The following CAMTA1 variants were observed in gnomAD, a reference collection of about 807,000 sequenced individuals.
The protein encoded by CAMTA1 is calmodulin binding transcription activator 1.
A neutral mutation model predicts 170.9 loss-of-function variants in CAMTA1; 27 were observed. The ratio of observed to expected loss-of-function variants is 0.16; its 90% CI spans 0.12 to 0.22. CAMTA1 has a LOEUF of 0.22. CAMTA1 is among the 10% of genes least tolerant of loss of function. The probability of loss-of-function intolerance (pLI) is 1.00; values close to 1 mark genes in which losing one functional copy is unlikely to be tolerated. For synonymous variants in CAMTA1, 833 were observed against 891.5 expected, an observed-to-expected ratio of 0.93 and a Z score of 1.17; for missense variants, 1,619 against 2,217.2, an observed-to-expected ratio of 0.73 and a Z score of 5.42.
At position 7,317,933 on chromosome 1, in the gene CAMTA1, G is replaced by T. The variant is rs371724708; in HGVS notation, c.438+68307G>T. On this transcript the variant is annotated intron_variant, in intron 5 of 22. Coordinates refer to ENST00000303635, the MANE Select transcript of CAMTA1 (RefSeq NM_015215.4). Reference sequence around the variant, plus strand: ...CATTTCTTGATCCTTTTTAAGCCAAGGGGAGATGTACTTGCTTTGCCTATT... The same window carrying T: ...CATTTCTTGATCCTTTTTAAGCCAATGGGAGATGTACTTGCTTTGCCTATT... Among the ~76,000 whole-genome samples, 20 of 152,334 alleles carry T rather than the reference G, an allele frequency of 1.3e-4. 1 individual carries two copies. The East Asian group carries it at 2.3e-3, about 18-fold the overall frequency.
intron 3 of CAMTA1, among the ~76,000 whole-genome samples, chr1:6,933,319 G>A (rs1684742600): frequency 6.6e-6 from 1 of 152,064 alleles, no homozygotes; most frequent in South Asian, 2.1e-4. Context: ...GAGTATAGTG[G>A]CATGATCTCA....
intron 5 of CAMTA1, among the ~76,000 whole-genome samples, chr1:7,351,726 AG>A (rs2084689114): frequency 6.6e-6 from 1 of 152,214 alleles, no homozygotes. Flanking sequence ...AGGGCCTTCA[AG>A]GAGCCGTGGT....
In CAMTA1 at chr1:7,216,464, T is replaced by G. The variant is rs1659764338; in HGVS notation, c.303-33027T>G. Among the ~76,000 whole-genome samples the G allele has an allele frequency of 8.9e-6, 1 of 112,368 alleles. No homozygotes were observed. Among genetic ancestry groups the G allele is most frequent in the South Asian group, 3.4e-4 (1 of 2,922 alleles). 73.7% of individuals were successfully genotyped at this position (112,368 alleles called of 152,430 possible). ...GGTGTGGTAAACACACTATTCTTAGTGTTTTCATCTATATTTCCTACAGTT... is the reference window on the plus strand; with the variant it reads ...GGTGTGGTAAACACACTATTCTTAGGGTTTTCATCTATATTTCCTACAGTT... On this transcript the variant is annotated intron_variant, in intron 4 of 22. Transcript: ENST00000303635. The surrounding 1 kb of genome is among the most constrained non-coding windows in gnomAD (Gnocchi z 4.0).
intron 4 of CAMTA1, among the ~76,000 whole-genome samples, chr1:7,230,821 G>A (rs969811054): frequency 2.0e-5 from 3 of 152,144 alleles, no homozygotes; most frequent in African/African-American, 7.2e-5. Context: ...AGGGACTGGC[G>A]CCCGCAATGT....
At chr1:7,346,560 C>T (rs573357482) in intron 5 of CAMTA1, among the ~76,000 whole-genome samples, 12 of 152,190 alleles carry the variant, frequency 7.9e-5, no homozygotes, top group Admixed American at 5.9e-4. Context: ...AGACTTCCCC[C>T]CTTAGGGATG....
At chr1:7,291,507 G>A (rs1035472471) in intron 5 of CAMTA1, among the ~76,000 whole-genome samples, 2 of 152,228 alleles carry the variant, frequency 1.3e-5, no homozygotes, top group African/African-American at 4.8e-5. Flanking sequence ...TCCTCTGTGT[G>A]CACGCCCCTC....
intron 3 of CAMTA1, among the ~76,000 whole-genome samples, chr1:7,082,441 A>ATAGG (rs34263072): frequency 8.7e-5 from 1 of 11,516 alleles, no homozygotes; most frequent in African/African-American, 5.5e-4. Context: ...GCATCTCGAA[A>ATAGG]TAGATAGATA....
chr1:7,529,289 C>T lies in CAMTA1; in HGVS notation c.510+61388C>T, dbSNP rs1438380768. Among the ~76,000 whole-genome samples, 4 of 152,132 alleles carry T rather than the reference C, an allele frequency of 2.6e-5. No individual in the cohort carries two copies. The South Asian group carries it at 8.3e-4, about 32-fold the overall frequency. On this transcript the variant is annotated intron_variant, in intron 6 of 22. Coordinates refer to ENST00000303635, the MANE Select transcript of CAMTA1 (RefSeq NM_015215.4). ...CCCTGTGACCTTGGACATTCCTCCA[C>T]CTGCTTCTCTGCATGGCATGGGCTG...
intron 3 of CAMTA1, among the ~76,000 whole-genome samples, chr1:7,037,605 C>A (rs945944830): frequency 6.6e-6 from 1 of 151,406 alleles, no homozygotes; most frequent in African/African-American, 2.4e-5. Context: ...TTTGGAAGGC[C>A]GAGGCAGGCG....
Position 7,752,503 on chromosome 1 carries a change from T to C in CAMTA1, c.4928T>C (p.Ile1643Thr). The C allele has an allele frequency of 3.1e-6, 5 of 1,612,344 alleles. No homozygotes were observed. Among genetic ancestry groups the C allele is most frequent in the Non-Finnish European group, 3.4e-6 (4 of 1,179,296 alleles). Residue 1643 changes from isoleucine (I) to threonine (T), a missense_variant, in exon 21 of 23, where the codon ATA (isoleucine) becomes ACA (threonine). Physicochemically the swap from Ile to Thr is moderately conservative, Grantham distance 89. Around this residue, in one of 8 missense-constraint regions of CAMTA1, gnomAD observed 128 missense variants for 213.5 expected, o/e 0.60. Coordinates refer to ENST00000303635, the MANE Select transcript of CAMTA1 (RefSeq NM_015215.4). Reference sequence around the variant, plus strand: ...AAGCAGGATCAAGCTGCTCGAAAAATAATGAGGTTTCTTCGCCGCTGTCGC... The same window carrying C: ...AAGCAGGATCAAGCTGCTCGAAAAACAATGAGGTTTCTTCGCCGCTGTCGC... The part of the protein sequence containing the change: ...TKKQDQAARK[I>T]MRFLRRCRHS...
At chr1:7,766,035 A>AT (rs2097020806) in intron 22 of CAMTA1, among the ~76,000 whole-genome samples, 4 of 117,114 alleles carry the variant, frequency 3.4e-5, no homozygotes, top group African/African-American at 1.6e-4. Context: ...TCAAAAAAAA[A>AT]AAAAAAAAAA....
chr1:7,256,364 C>A (rs1472074589), intron 5 of CAMTA1, among the ~76,000 whole-genome samples: 1 of 152,010 alleles, frequency 6.6e-6, no homozygotes, highest in Non-Finnish European at 1.5e-5. Flanking sequence ...TCGAGACCAA[C>A]CTGGCTAACA....
At chr1:7,720,265 G>A (rs1431151361) in intron 11 of CAMTA1, among the ~76,000 whole-genome samples, 2 of 152,174 alleles carry the variant, frequency 1.3e-5, no homozygotes, top group Admixed American at 1.3e-4. Context: ...GGTAACTAAC[G>A]AAAGCCACTC....
chr1:7,383,046 G>C (rs966786428), intron 5 of CAMTA1, among the ~76,000 whole-genome samples: 11 of 152,186 alleles, frequency 7.2e-5, no homozygotes, highest in Non-Finnish European at 1.5e-4. Flanking sequence ...CCATCTCCAT[G>C]CTTGTGTGGA....
chr1:7,564,018 G>T (rs375912798), intron 6 of CAMTA1, among the ~76,000 whole-genome samples: 2 of 152,288 alleles, frequency 1.3e-5, no homozygotes, highest in South Asian at 2.1e-4. Context: ...GATCTAGAAG[G>T]GTCCTTTTGG....
intron 4 of CAMTA1, among the ~76,000 whole-genome samples, chr1:7,094,826 T>G (rs1409674313): frequency 1.3e-5 from 2 of 152,188 alleles, no homozygotes; most frequent in Non-Finnish European, 2.9e-5. Flanking sequence ...AAAATCACCC[T>G]GCGGAACGTG....
intron 3 of CAMTA1, among the ~76,000 whole-genome samples, chr1:6,827,261 G>A (rs1021466071): frequency 6.6e-6 from 1 of 152,194 alleles, no homozygotes; most frequent in Non-Finnish European, 1.5e-5. Flanking sequence ...AAGGGTGGAG[G>A]CAGCAGGAGG....
At chr1:7,243,813 T>C (rs1001466934) in intron 4 of CAMTA1, among the ~76,000 whole-genome samples, 5 of 152,138 alleles carry the variant, frequency 3.3e-5, no homozygotes, top group African/African-American at 1.2e-4. Flanking sequence ...TATAAATTTT[T>C]CAGGACATAG....
chr1:7,104,151 CACAT>C (rs1643295166), intron 4 of CAMTA1, among the ~76,000 whole-genome samples: 1 of 137,712 alleles, frequency 7.3e-6, no homozygotes, highest in Non-Finnish European at 1.6e-5. Flanking sequence ...ACACACAACA[CACAT>C]ATGCATACAA....
Sources: gnomAD v4.1 joint callset for allele counts (sites outside exome capture counted in the v4.1 genomes callset) on GRCh38, gnomAD v4.1.1 for gene constraint, gnomAD v4.1.1 regional missense constraint, Gnocchi (gnomAD v3.1) non-coding constraint, MANE v1.5 for transcripts, NCBI Gene and HGNC (gene_info 2026-07-23, HGNC 2026-07-21) for gene names.